The following C3AR1 variants were observed in gnomAD, a reference collection of about 807,000 sequenced individuals.
C3AR1 encodes the protein complement C3a receptor 1.
For missense variants in C3AR1, 579 were observed against 583.5 expected (o/e 0.99, Z 0.08); for synonymous variants, 208 against 225.3 (o/e 0.92, Z 0.69).
intron 1 of C3AR1, among the ~76,000 whole-genome samples, chr12:8,063,986 C>T (rs1947304767): frequency 6.6e-6 from 1 of 151,908 alleles, no homozygotes; most frequent in African/African-American, 2.4e-5. Flanking sequence ...GCACGAGAAT[C>T]GCTTGAACTG....
In C3AR1 at chr12:8,057,081, AAC is replaced by A. The variant is rs1947197846; in HGVS notation, c.*1654_*1655del. On this transcript the variant is annotated 3_prime_UTR_variant, in exon 2 of 2. Coordinates refer to ENST00000307637, the MANE Select transcript of C3AR1 (RefSeq NM_004054.4). ...AACAGATAGTGTCTTGCAGGTCTAA[AAC>A]ACATGTCATTTTCTGTTTTTAGACT... Among the ~76,000 whole-genome samples, 1 of 152,170 alleles carries A rather than the reference AAC, an allele frequency of 6.6e-6. No homozygotes were observed. Among genetic ancestry groups the A allele is most frequent in the Admixed American group, 6.5e-5 (1 of 15,272 alleles).
chr12:8,059,941 A>T lies in C3AR1; in HGVS notation c.245T>A (p.Leu82Ter), dbSNP rs1024592516. 5 of 1,614,074 alleles carry T rather than the reference A, an allele frequency of 3.1e-6. No individual in the cohort carries two copies. The African/African-American group carries it at 5.3e-5, about 17-fold the overall frequency. Residue 82 changes from leucine to a stop codon, truncating the protein, a stop_gained, in exon 2 of 2, where the codon TTG (leucine) becomes TAG (stop). Transcript: ENST00000307637. LOFTEE classifies it low-confidence loss of function (END_TRUNC). ...CLSLPFSLAH[L>*]ALQGQWPYGR... is the part of the protein sequence containing the mutation. ...GTAGGGCCACTGTCCCTGGAGAGCC[A>T]AGTGAGCCAGCGAGAAGGGCAAGGA...
chr12:8,060,272 T>G (rs1217811881), intron 1 of C3AR1, 77 bp from the exon 2 acceptor site: 1 of 1,209,810 alleles, frequency 8.3e-7, no homozygotes, highest in African/African-American at 1.5e-5. Context: ...GATTCTAATC[T>G]TCCCACATAA....
rs1240199049 is a variant in C3AR1 at position 8,059,996 on chromosome 12, G to A, written c.190C>T (p.Leu64Phe). 1.2e-6 allele frequency: 2 copies of A among 1,614,136 alleles called. No homozygotes were observed. Among genetic ancestry groups the A allele is most frequent in the Admixed American group, 1.7e-5 (1 of 60,020 alleles). Reference protein sequence around the residue: ...RTVNTIWFLHLTLADLLCCLS... With the variant: ...RTVNTIWFLHFTLADLLCCLS... ...CAGCAGAGGAGGTCCGCCAAGGTGA[G>A]GTGGAGGAACCAAATTGTGTTCACT... The change falls in exon 2 of 2, where the codon CTC becomes TTC. Residue 64 changes from leucine to phenylalanine, a missense_variant. By Grantham distance (22) the Leu-to-Phe change is conservative. Transcript: ENST00000307637.
chr12:8,064,728 T>A (rs1352689017), intron 1 of C3AR1, among the ~76,000 whole-genome samples: 1 of 151,386 alleles, frequency 6.6e-6, no homozygotes, highest in Non-Finnish European at 1.5e-5. Context: ...CTCATTCCCC[T>A]TTCCATGGCC....
In C3AR1 at chr12:8,058,874, A is replaced by T; in HGVS notation, c.1312T>A (p.Leu438Met). 1 of 1,614,178 alleles carries T rather than the reference A, an allele frequency of 6.2e-7. No homozygotes were observed. Among genetic ancestry groups the T allele is most frequent in the Non-Finnish European group, 8.5e-7 (1 of 1,180,028 alleles). Residue 438 changes from leucine to methionine, a missense_variant, in exon 2 of 2, where the codon TTG becomes ATG. Leu to Met is a conservative substitution (Grantham distance 15). Coordinates refer to ENST00000307637, the MANE Select transcript of C3AR1 (RefSeq NM_004054.4). Reference sequence around the variant, plus strand: ...GCTTTCTTCCTAAAATCTTTCCCCAAGAGGGCATAAAGGAAGGGATTAAAG... The same window carrying T: ...GCTTTCTTCCTAAAATCTTTCCCCATGAGGGCATAAAGGAAGGGATTAAAG... ...SCFNPFLYALLGKDFRKKARQ... is the reference protein window; with the variant it reads ...SCFNPFLYALMGKDFRKKARQ...
chr12:8,063,489 C>G (rs938149901), intron 1 of C3AR1, among the ~76,000 whole-genome samples: 1 of 152,206 alleles, frequency 6.6e-6, no homozygotes, highest in African/African-American at 2.4e-5. Flanking sequence ...GAACAATTCA[C>G]TATTCCAACT....
intron 1 of C3AR1, among the ~76,000 whole-genome samples, chr12:8,063,068 C>T (rs1233092894): frequency 7.1e-6 from 1 of 140,466 alleles, no homozygotes; most frequent in Non-Finnish European, 1.5e-5. Context: ...AGCAATTCTT[C>T]TGCCTCAGCC....
chr12:8,058,649 T>A lies in C3AR1; in HGVS notation c.*88A>T. On this transcript the variant is annotated 3_prime_UTR_variant, in exon 2 of 2. Coordinates refer to ENST00000307637, the MANE Select transcript of C3AR1 (RefSeq NM_004054.4). ...ATTGATTCTTTGACAGTTTTTGAAGTCCGCTGCTCACCATATCACTTCATC... is the reference window on the plus strand; with the variant it reads ...ATTGATTCTTTGACAGTTTTTGAAGACCGCTGCTCACCATATCACTTCATC... 1 of 1,414,244 alleles carries A rather than the reference T, an allele frequency of 7.1e-7. No individual in the cohort carries two copies. 87.6% of individuals were successfully genotyped at this position (1,414,244 alleles called of 1,614,324 possible). A position where few individuals can be genotyped will look rare whatever the true frequency, so the allele number is the denominator to read the frequency against.
chr12:8,059,040 C>T lies in C3AR1; in HGVS notation c.1146G>A (p.Val382=), dbSNP rs1194996250. Residue 382 remains valine, a synonymous_variant, in exon 2 of 2, where the codon GTG becomes GTA. Coordinates refer to ENST00000307637, the MANE Select transcript of C3AR1 (RefSeq NM_004054.4). Reference sequence around the variant, plus strand: ...TCCAGCAGACAAGAAAGACAGCCACCACCACCACGGCCACTCGAAAGGTTT... The same window carrying T: ...TCCAGCAGACAAGAAAGACAGCCACTACCACCACGGCCACTCGAAAGGTTT... ...QSKTFRVAVV[V]VAVFLVCWTP... is the part of the protein sequence containing the mutation. 1 of 1,614,190 alleles carries T rather than the reference C, an allele frequency of 6.2e-7. No individual in the cohort carries two copies. The highest frequency in any genetic ancestry group is 1.7e-5 in the Admixed American group (1 of 60,028).
Position 8,057,672 on chromosome 12 carries a change from G to C in C3AR1, c.*1065C>G, listed in dbSNP as rs1437317700. ...TTTAAAAAACCCAGAAGATATATTTGGTAATTTTGGCATGTAAGTTGCCTG... is the reference window on the plus strand; with the variant it reads ...TTTAAAAAACCCAGAAGATATATTTCGTAATTTTGGCATGTAAGTTGCCTG... On this transcript the variant is annotated 3_prime_UTR_variant, in exon 2 of 2. Coordinates refer to ENST00000307637, the MANE Select transcript of C3AR1 (RefSeq NM_004054.4). 6.6e-6 allele frequency among the ~76,000 whole-genome samples: 1 copy of C among 152,142 alleles called. No individual in the cohort carries two copies. The highest frequency in any genetic ancestry group is 1.5e-5 in the Non-Finnish European group (1 of 68,022).
chr12:8,066,257 G>C (rs1947329876), intron 1 of C3AR1, 21 bp downstream of exon 1: 1 of 152,196 alleles, frequency 6.6e-6, no homozygotes, highest in Non-Finnish European at 1.5e-5. Flanking sequence ...CAAGTCATCA[G>C]GTAGGTCTAG....
chr12:8,065,038 C>G (rs181478418), intron 1 of C3AR1, among the ~76,000 whole-genome samples: 13 of 151,544 alleles, frequency 8.6e-5, no homozygotes, highest in Admixed American at 7.9e-4. Flanking sequence ...TTTTATTTCT[C>G]AAGTTTGACA....
In C3AR1 at chr12:8,058,777, G is replaced by T; in HGVS notation, c.1409C>A (p.Ser470Ter). 6.2e-7 allele frequency: 1 copy of T among 1,613,834 alleles called. No individual in the cohort carries two copies. Among genetic ancestry groups the T allele is most frequent in the Non-Finnish European group, 8.5e-7 (1 of 1,179,836 alleles). ...ATTTCTTTCTGAAATGACATTGTTT[G>T]AGGGACAGTGGGTGGAACGTGTGAG... is the stretch of plus-strand genomic sequence containing the variant. ...EELTRSTHCPSNNVISERNST... is the reference protein window; with the variant it reads ...EELTRSTHCP The change falls in exon 2 of 2, where the codon TCA (serine) becomes TAA (stop). Residue 470 changes from serine (S) to a stop codon, truncating the protein, a stop_gained. Coordinates refer to ENST00000307637, the MANE Select transcript of C3AR1 (RefSeq NM_004054.4). LOFTEE classifies it high-confidence loss of function.
Position 8,059,455 on chromosome 12 carries a change from C to G in C3AR1, c.731G>C (p.Arg244Thr). 2 of 1,613,928 alleles carry G rather than the reference C, an allele frequency of 1.2e-6. No homozygotes were observed. Among genetic ancestry groups the G allele is most frequent in the Non-Finnish European group, 1.7e-6 (2 of 1,179,916 alleles). ...TTGACTTGTTAACCTAGCAGAACCC[C>G]TAGGGAGTGAATCTGCAGAAGGTCT... is the stretch of plus-strand genomic sequence containing the variant. ...FQRPSADSLPRGSARLTSQNL... is the reference protein window; with the variant it reads ...FQRPSADSLPTGSARLTSQNL... The change falls in exon 2 of 2, where the codon AGG becomes ACG. Residue 244 changes from arginine (R) to threonine (T), a missense_variant. Arg to Thr is a moderately conservative substitution (Grantham distance 71, BLOSUM62 -1). Coordinates refer to ENST00000307637, the MANE Select transcript of C3AR1 (RefSeq NM_004054.4).
rs996568028 is a variant in C3AR1 at position 8,057,885 on chromosome 12, A to G, written c.*852T>C. On this transcript the variant is annotated 3_prime_UTR_variant, in exon 2 of 2. Coordinates refer to ENST00000307637, the MANE Select transcript of C3AR1 (RefSeq NM_004054.4). ...GAAATTAGAGGTTGTTTGAGGCACA[A>G]AGTCTGATGTGGAAGATTTGGAGGC... Among the ~76,000 whole-genome samples, 9 of 152,164 alleles carry G rather than the reference A, an allele frequency of 5.9e-5. No homozygotes were observed. The highest frequency in any genetic ancestry group is 2.2e-4 in the African/African-American group (9 of 41,418).
chr12:8,059,198 G>A lies in C3AR1; in HGVS notation c.988C>T (p.Pro330Ser). ...LGQFTDDDQV[P>S]TPLVAITITR... The stretch of plus-strand genomic sequence containing the variant: ...ATCGTTATTGCCACGAGGGGTGTTG[G>A]CACTTGATCGTCATCTGTGAATTGG... The change falls in exon 2 of 2, where the codon CCA becomes TCA. Residue 330 changes from proline (P) to serine (S), a missense_variant. Physicochemically the swap from Pro to Ser is moderately conservative, Grantham distance 74. Coordinates refer to ENST00000307637, the MANE Select transcript of C3AR1 (RefSeq NM_004054.4). The A allele has an allele frequency of 6.2e-7, 1 of 1,614,212 alleles. No homozygotes were observed. The highest frequency in any genetic ancestry group is 2.2e-5 in the East Asian group (1 of 44,886).
chr12:8,062,081 C>T (rs1307033607), intron 1 of C3AR1, among the ~76,000 whole-genome samples: 2 of 152,134 alleles, frequency 1.3e-5, no homozygotes, highest in African/African-American at 4.8e-5. Flanking sequence ...AAGCTTCCTC[C>T]GCGTTGTGGC....
In C3AR1 at chr12:8,059,372, C is replaced by T. The variant is rs1299659036; in HGVS notation, c.814G>A (p.Gly272Arg). 6.2e-7 allele frequency: 1 copy of T among 1,614,120 alleles called. No individual in the cohort carries two copies. Among genetic ancestry groups the T allele is most frequent in the South Asian group, 1.1e-5 (1 of 91,082 alleles). ...ADVVSPKIPS[G>R]FPIEDHETSP... Reference sequence around the variant, plus strand: ...GTTTCGTGATCTTCAATAGGAAACCCACTGGGGATTTTAGGTGAGACCACA... The same window carrying T: ...GTTTCGTGATCTTCAATAGGAAACCTACTGGGGATTTTAGGTGAGACCACA... The change falls in exon 2 of 2, where the codon GGG (glycine) becomes AGG (arginine). Residue 272 changes from glycine (G) to arginine (R), a missense_variant. By Grantham distance (125) the Gly-to-Arg change is moderately radical. Coordinates refer to ENST00000307637, the MANE Select transcript of C3AR1 (RefSeq NM_004054.4).
Sources: allele counts gnomAD v4.1 joint callset (sites outside exome capture counted in the v4.1 genomes callset), GRCh38; gene constraint gnomAD v4.1.1; transcripts MANE v1.5; gene names NCBI Gene and HGNC (gene_info 2026-07-23, HGNC 2026-07-21).